ABCC11: variants seen among roughly 807,000 people sequenced by gnomAD.
ABCC11 encodes the protein ATP-binding cassette sub-family C member 11.
A neutral mutation model predicts 149.3 loss-of-function variants in ABCC11; 135 were observed. That is an observed-to-expected ratio of 0.90 (90% CI 0.79 to 1.04). The LOEUF is 1.04. Ranked by LOEUF, ABCC11 falls within the 50% of genes least tolerant of loss-of-function variation. ABCC11 has a pLI of 0.00. For missense variants in ABCC11, 1,680 were observed against 1,722.1 expected (o/e 0.98, Z 0.43); for synonymous variants, 665 against 671.4 (o/e 0.99, Z 0.15).
chr16:48,238,385 G>A (rs1197237524), intron 1 of ABCC11, among the ~76,000 whole-genome samples: 1 of 152,146 alleles, frequency 6.6e-6, no homozygotes, highest in Non-Finnish European at 1.5e-5. Context: ...GTAGGACCTT[G>A]TTTTGGGACC....
At chr16:48,230,360 A>C in intron 3 of ABCC11, 77 bp downstream of exon 3, 1 of 1,449,896 alleles carries the variant, frequency 6.9e-7, no homozygotes, top group Non-Finnish European at 9.1e-7. Context: ...AACCTTCGTG[A>C]GAGGTCTAGT....
At chr16:48,224,825 C>A (rs897612390) in intron 4 of ABCC11, among the ~76,000 whole-genome samples, 2 of 152,122 alleles carry the variant, frequency 1.3e-5, no homozygotes, top group Non-Finnish European at 2.9e-5. Flanking sequence ...GGGTTCGAGA[C>A]CAGTCTGGTC....
chr16:48,198,111 G>A, intron 16 of ABCC11, 30 bp downstream of exon 16: 1 of 1,614,194 alleles, frequency 6.2e-7, no homozygotes, highest in Non-Finnish European at 8.5e-7. Flanking sequence ...CGTCCACCGT[G>A]GGTAGTGAGG....
At chr16:48,240,719 A>C (rs996982371) in intron 1 of ABCC11, among the ~76,000 whole-genome samples, 2 of 151,932 alleles carry the variant, frequency 1.3e-5, no homozygotes, top group Non-Finnish European at 2.9e-5. Flanking sequence ...GTTTCTTGCC[A>C]TTACTTTTGC....
chr16:48,246,005 G>A (rs917626293), intron 1 of ABCC11, among the ~76,000 whole-genome samples: 2 of 152,028 alleles, frequency 1.3e-5, no homozygotes, highest in African/African-American at 2.4e-5. Flanking sequence ...ATGGATTTCC[G>A]GAGGGTTGGA....
chr16:48,167,953 T>C (rs952439881), intron 28 of ABCC11, among the ~76,000 whole-genome samples: 20 of 152,362 alleles, frequency 1.3e-4, no homozygotes, highest in African/African-American at 4.8e-4. Flanking sequence ...TATTAACTAC[T>C]TTCCCATTTA....
rs374461200 is a variant in ABCC11 at position 48,215,180 on chromosome 16, A to G, written c.1099+17T>C. 3.7e-6 allele frequency: 6 copies of G among 1,602,898 alleles called. No individual in the cohort carries two copies. The highest frequency in any genetic ancestry group is 5.1e-6 in the Non-Finnish European group (6 of 1,170,854). Reference sequence around the variant, plus strand: ...TGCCATCACCAGGTTTGGAGCAGAAAGTCAGACTTTCCATACCTTCAATGA... The same window carrying G: ...TGCCATCACCAGGTTTGGAGCAGAAGGTCAGACTTTCCATACCTTCAATGA... On this transcript the variant is annotated intron_variant, in intron 8 of 29. Coordinates refer to ENST00000356608, the MANE Select transcript of ABCC11 (RefSeq NM_001370497.1).
chr16:48,215,122 A>T (rs555169266), intron 8 of ABCC11, 75 bp downstream of exon 8: 7 of 1,581,130 alleles, frequency 4.4e-6, no homozygotes, highest in East Asian at 4.5e-5. Flanking sequence ...AAGAAAAAAA[A>T]TCCTCAAGAG....
chr16:48,196,211 G>A, intron 18 of ABCC11, 21 bp downstream of exon 18: 1 of 1,613,056 alleles, frequency 6.2e-7, no homozygotes, highest in African/African-American at 1.3e-5. Context: ...AGAGAGCCCT[G>A]GGCTGGCATG....
chr16:48,167,677 AG>A lies in ABCC11; in HGVS notation c.3892-18del. ...AAGGATGATCTGATGAATACAAAAC[AG>A]GGGTGAAGGTGTCTACTTCAGGCCC... is the stretch of plus-strand genomic sequence containing the variant. On this transcript the variant is annotated intron_variant, in intron 28 of 29. Coordinates refer to ENST00000356608, the MANE Select transcript of ABCC11 (RefSeq NM_001370497.1). The A allele has an allele frequency of 1.2e-6, 2 of 1,613,650 alleles. No homozygotes were observed. Among genetic ancestry groups the A allele is most frequent in the Non-Finnish European group, 1.7e-6 (2 of 1,179,704 alleles).
chr16:48,175,818 G>A (rs375599127), intron 25 of ABCC11, among the ~76,000 whole-genome samples: 15 of 143,872 alleles, frequency 1.0e-4, no homozygotes, highest in African/African-American at 3.9e-4. Context: ...GCAACAGCTC[G>A]GCTGGAGCTG....
chr16:48,203,363 G>A, intron 13 of ABCC11, 63 bp from the exon 14 acceptor site: 3 of 1,420,840 alleles, frequency 2.1e-6, no homozygotes, highest in Non-Finnish European at 2.9e-6. Context: ...ACCCTTCCCA[G>A]TGTCGAGAGG....
chr16:48,229,562 T>G (rs1032555374), intron 3 of ABCC11, among the ~76,000 whole-genome samples: 3 of 145,204 alleles, frequency 2.1e-5, no homozygotes, highest in African/African-American at 8.0e-5. Context: ...CTTCCCGGGT[T>G]CACACCATTC....
intron 1 of ABCC11, among the ~76,000 whole-genome samples, chr16:48,241,460 C>T (rs894173516): frequency 1.3e-5 from 2 of 152,136 alleles, no homozygotes; most frequent in African/African-American, 4.8e-5. Context: ...GTGAAAATGG[C>T]TGTACTGCCC....
At chr16:48,207,801 G>T (rs774323387) in intron 12 of ABCC11, among the ~76,000 whole-genome samples, 2 of 152,148 alleles carry the variant, frequency 1.3e-5, no homozygotes, top group Non-Finnish European at 2.9e-5. Context: ...CTCGTCCACA[G>T]GGGATGGAAT....
At chr16:48,224,956 G>A (rs997392658) in intron 4 of ABCC11, among the ~76,000 whole-genome samples, 1 of 152,048 alleles carries the variant, frequency 6.6e-6, no homozygotes, top group African/African-American at 2.4e-5. Flanking sequence ...CCAGGAGGCA[G>A]AAGTTGCAGT....
At position 48,167,086 on chromosome 16, in the gene ABCC11, C is replaced by T. The variant is rs77057631; in HGVS notation, c.*188G>A. The T allele has an allele frequency of 7.1e-4, 427 of 597,554 alleles. 1 individual carries two copies. The African/African-American group carries it at 7.2e-3, about 10-fold the overall frequency. 37.0% of individuals were successfully genotyped at this position (597,554 alleles called of 1,614,324 possible). ...TTAGATGGTTCTGGGGTTCTAAGGT[C>T]TTGAGAGCCATCAAGTAGCCTATTC... On this transcript the variant is annotated 3_prime_UTR_variant, in exon 30 of 30. Coordinates refer to ENST00000356608, the MANE Select transcript of ABCC11 (RefSeq NM_001370497.1).
chr16:48,205,293 A>G (rs1968334415), intron 13 of ABCC11, 120 bp downstream of exon 13: 1 of 1,397,916 alleles, frequency 7.2e-7, no homozygotes, highest in African/African-American at 1.4e-5. Flanking sequence ...GGTGAATATG[A>G]TAATGCGTTT....
chr16:48,187,287 G>A lies in ABCC11; in HGVS notation c.2847C>T (p.Ile949=), dbSNP rs775682969. ...GCACACTGACAATCAACAGGACGGC[G>A]ATCACCATTAAGGACAGGACCAGGA... ...EQFLVLSLMV[I]AVLLIVSVLS... is the part of the protein sequence containing the mutation. Residue 949 remains isoleucine, a synonymous_variant, in exon 21 of 30, where the codon ATC becomes ATT. Transcript: ENST00000356608. The A allele has an allele frequency of 2.0e-5, 32 of 1,614,022 alleles. 1 individual carries two copies. Among genetic ancestry groups the A allele is most frequent in the South Asian group, 1.5e-4 (14 of 91,084 alleles).
Sources: allele counts gnomAD v4.1 joint callset (sites outside exome capture counted in the v4.1 genomes callset), GRCh38; gene constraint gnomAD v4.1.1; transcripts MANE v1.5; gene names NCBI Gene and HGNC (gene_info 2026-07-23, HGNC 2026-07-21).